Variants in CCDC171 observed in about 807,000 individuals in gnomAD.
CCDC171 encodes coiled-coil domain containing 171.
CCDC171 carries 177 observed loss-of-function variants against 168.2 expected under a neutral mutation model. The observed-to-expected ratio is 1.05, with a 90% CI of 0.93 to 1.19. CCDC171 has a LOEUF of 1.19. CCDC171 is among the 50% of genes most tolerant of loss of function. The pLI, the probability that CCDC171 is intolerant of heterozygous loss-of-function variation, is 0.00. For synonymous variants in CCDC171, 687 were observed against 540.8 expected, an observed-to-expected ratio of 1.27 and a Z score of -3.75; for missense variants, 1,991 against 1,539.0, an observed-to-expected ratio of 1.29 and a Z score of -4.91.
At chr9:15,713,359 C>T (rs1294830702) in intron 11 of CCDC171, among the ~76,000 whole-genome samples, 1 of 151,606 alleles carries the variant, frequency 6.6e-6, no homozygotes, top group Non-Finnish European at 1.5e-5. Flanking sequence ...GAGAACTCTC[C>T]ATGCATCCAA....
At chr9:15,746,006 C>A (rs1334879185) in intron 18 of CCDC171, among the ~76,000 whole-genome samples, 1 of 152,056 alleles carries the variant, frequency 6.6e-6, no homozygotes, top group Non-Finnish European at 1.5e-5. Context: ...ATATGAGAGC[C>A]AGTAGAAAAT....
At chr9:15,631,752 A>T (rs1207064491) in intron 7 of CCDC171, among the ~76,000 whole-genome samples, 3 of 152,212 alleles carry the variant, frequency 2.0e-5, no homozygotes, top group Non-Finnish European at 4.4e-5. Context: ...CTTGATGAAG[A>T]TTGATGCAAA....
intron 6 of CCDC171, among the ~76,000 whole-genome samples, chr9:16,033,031 G>A (rs1224652731): frequency 6.6e-6 from 1 of 152,148 alleles, no homozygotes; most frequent in Non-Finnish European, 1.5e-5. Flanking sequence ...CCAGAGGAGG[G>A]CACCCAAACC....
Position 15,553,054 on chromosome 9 carries a change from A to C in CCDC171, c.-360A>C, listed in dbSNP as rs1259066252. 2.0e-5 allele frequency: 3 copies of C among 152,458 alleles called. No homozygotes were observed. In the East Asian group the frequency reaches 5.8e-4, roughly 29 times the overall value. The allele number at this position is 152,458 out of a possible 1,614,324, so 9.4% of individuals were successfully genotyped here. A position where few individuals can be genotyped will look rare whatever the true frequency, so the allele number is the denominator to read the frequency against. ...TTGGGCTGACCTGTGAAAGTCTGGG[A>C]AGGTCTGCGAGAGAAGCGGAGTGTT... On this transcript the variant is annotated 5_prime_UTR_variant, in exon 1 of 26. Transcript: ENST00000380701.
intron 16 of CCDC171, among the ~76,000 whole-genome samples, chr9:15,735,769 T>C (rs1012542507): frequency 3.9e-5 from 6 of 152,202 alleles, no homozygotes; most frequent in Non-Finnish European, 7.4e-5. Context: ...CACGCCAGCC[T>C]GCAGCGATTC....
At chr9:16,025,964 T>G (rs1054816449) in intron 6 of CCDC171, among the ~76,000 whole-genome samples, 1 of 152,216 alleles carries the variant, frequency 6.6e-6, no homozygotes, top group South Asian at 2.1e-4. Context: ...AATTAAACAA[T>G]TTTTTAAAAA....
chr9:15,938,213 T>C (rs1827315759), intron 25 of CCDC171, among the ~76,000 whole-genome samples: 2 of 151,864 alleles, frequency 1.3e-5, no homozygotes, highest in South Asian at 4.1e-4. Flanking sequence ...CCATGCTGTT[T>C]GGGTCTAGAC....
chr9:16,092,111 C>T, the CCDC171 span, among the ~76,000 whole-genome samples: 1 of 152,198 alleles, frequency 6.6e-6, no homozygotes, highest in African/African-American at 2.4e-5. Context: ...CCAGTCTTGA[C>T]ACAACTTGGA....
At chr9:15,829,771 T>A (rs973447228) in intron 21 of CCDC171, among the ~76,000 whole-genome samples, 1 of 151,854 alleles carries the variant, frequency 6.6e-6, no homozygotes, top group Non-Finnish European at 1.5e-5. Context: ...AAATAAAAAA[T>A]TAGCCAGGTG....
At chr9:15,988,768 A>T (rs1419939780) in intron 3 of CCDC171, among the ~76,000 whole-genome samples, 1 of 152,188 alleles carries the variant, frequency 6.6e-6, no homozygotes, top group African/African-American at 2.4e-5. Context: ...CAAACAGCAC[A>T]CTAGGAGATT....
At chr9:15,795,979 G>A (rs2058535334) in intron 21 of CCDC171, among the ~76,000 whole-genome samples, 1 of 152,154 alleles carries the variant, frequency 6.6e-6, no homozygotes, top group Non-Finnish European at 1.5e-5. Flanking sequence ...AAAGAATACA[G>A]TCAAGACTTT....
intron 3 of CCDC171, among the ~76,000 whole-genome samples, chr9:16,015,404 G>A (rs1832985033): frequency 6.6e-6 from 1 of 152,092 alleles, no homozygotes; most frequent in Non-Finnish European, 1.5e-5. Context: ...CTTCTATGCA[G>A]ACCACTAAAA....
At chr9:15,828,228 A>G (rs553677367) in intron 21 of CCDC171, among the ~76,000 whole-genome samples, 1 of 152,202 alleles carries the variant, frequency 6.6e-6, no homozygotes, top group African/African-American at 2.4e-5. Context: ...GTAAAGTGTT[A>G]AAGATTTAAA....
intron 21 of CCDC171, among the ~76,000 whole-genome samples, chr9:15,823,148 A>G (rs2059863893): frequency 6.6e-6 from 1 of 152,130 alleles, no homozygotes; most frequent in South Asian, 2.1e-4. Context: ...GAACACATAG[A>G]CACAGGAAGG....
chr9:16,048,672 T>C (rs1833700136), intron 1 of CCDC171, among the ~76,000 whole-genome samples: 1 of 152,028 alleles, frequency 6.6e-6, no homozygotes, highest in Non-Finnish European at 1.5e-5. Flanking sequence ...TCTTTTTCTT[T>C]TTTTTGAAAG....
At chr9:15,985,668 A>G (rs1831963156) in intron 3 of CCDC171, among the ~76,000 whole-genome samples, 1 of 152,260 alleles carries the variant, frequency 6.6e-6, no homozygotes, top group Non-Finnish European at 1.5e-5. Flanking sequence ...TTTAGGAAGA[A>G]ACAAGTTGTA....
At chr9:15,955,939 G>A (rs1199103560) in intron 25 of CCDC171, among the ~76,000 whole-genome samples, 1 of 152,076 alleles carries the variant, frequency 6.6e-6, no homozygotes, top group African/African-American at 2.4e-5. Flanking sequence ...ATCTGTGTGA[G>A]GACAGTAACA....
intron 16 of CCDC171, among the ~76,000 whole-genome samples, chr9:15,730,066 G>A (rs1179091189): frequency 6.6e-6 from 1 of 151,786 alleles, no homozygotes; most frequent in Non-Finnish European, 1.5e-5. Context: ...TTAATTAAAT[G>A]CGAAAATTAT....
chr9:15,744,770 A>G lies in CCDC171; in HGVS notation c.2547A>G (p.Lys849=), dbSNP rs762494042. The G allele has an allele frequency of 2.2e-5, 36 of 1,605,862 alleles. No homozygotes were observed. Among genetic ancestry groups the G allele is most frequent in the Non-Finnish European group, 3.0e-5 (35 of 1,175,806 alleles). ...VCTGEPQDKH[K]FPKHQKEQLR... ...CAGGAGAGCCCCAAGACAAGCATAA[A>G]TTTCCAAGTAAGATAATTTCTGCTT... Residue 849 remains lysine (K), a synonymous_variant, in exon 17 of 26, where the codon AAA becomes AAG. Coordinates refer to ENST00000380701, the MANE Select transcript of CCDC171 (RefSeq NM_173550.4).
Sources: allele counts gnomAD v4.1 joint callset (sites outside exome capture counted in the v4.1 genomes callset), GRCh38; gene constraint gnomAD v4.1.1; transcripts MANE v1.5; gene names NCBI Gene and HGNC (gene_info 2026-07-23, HGNC 2026-07-21).